The following TESK2 variants were observed in gnomAD, a reference collection of about 807,000 sequenced individuals.
The protein encoded by TESK2 is testis associated actin remodelling kinase 2.
TESK2 carries 39 observed loss-of-function variants against 57.1 expected under a neutral mutation model. The ratio of observed to expected loss-of-function variants is 0.68; its 90% CI spans 0.53 to 0.89. TESK2 has a LOEUF of 0.89. Ranked by LOEUF, TESK2 falls within the 40% of genes least tolerant of loss-of-function variation. The pLI is 0.00. For missense variants in TESK2, 646 were observed against 732.1 expected (o/e 0.88, Z 1.36); for synonymous variants, 249 against 267.9 (o/e 0.93, Z 0.69).
intron 3 of TESK2, among the ~76,000 whole-genome samples, chr1:45,387,954 C>T (rs1463830069): frequency 6.6e-6 from 1 of 152,072 alleles, no homozygotes; most frequent in Non-Finnish European, 1.5e-5. Flanking sequence ...CTGCAGTGAG[C>T]CGAGATCGTG....
chr1:45,368,532 C>A (rs2149269300), intron 4 of TESK2, among the ~76,000 whole-genome samples: 1 of 151,924 alleles, frequency 6.6e-6, no homozygotes, highest in Middle Eastern at 3.4e-3. Context: ...TGCCACCACG[C>A]CCGGCTAATT....
At chr1:45,461,178 A>G (rs1427998939) in intron 1 of TESK2, among the ~76,000 whole-genome samples, 1 of 151,428 alleles carries the variant, frequency 6.6e-6, no homozygotes, top group Admixed American at 6.6e-5. Context: ...TTTTTTAAAC[A>G]TCAGGAATTT....
chr1:45,443,305 C>T (rs753542629), intron 2 of TESK2, among the ~76,000 whole-genome samples: 35 of 152,024 alleles, frequency 2.3e-4, no homozygotes, highest in Non-Finnish European at 4.6e-4. Flanking sequence ...TGGTTCATGC[C>T]TGTAATCCCA....
At chr1:45,376,049 T>A (rs939287489) in intron 4 of TESK2, among the ~76,000 whole-genome samples, 1 of 152,134 alleles carries the variant, frequency 6.6e-6, no homozygotes, top group African/African-American at 2.4e-5. Context: ...GAGAGTTTTT[T>A]ATTACTAAAT....
intron 3 of TESK2, among the ~76,000 whole-genome samples, chr1:45,417,755 C>A (rs537550908): frequency 4.9e-4 from 75 of 152,184 alleles, no homozygotes; most frequent in African/African-American, 1.7e-3. Context: ...CCACACCTGG[C>A]TAATTTTTTA....
chr1:45,432,670 A>G (rs1651021486), intron 2 of TESK2, among the ~76,000 whole-genome samples: 2 of 150,400 alleles, frequency 1.3e-5, no homozygotes, highest in Non-Finnish European at 3.0e-5. Context: ...CAGCCTGGGC[A>G]AAAGAGCCAG....
At chr1:45,394,888 C>T (rs1450829857) in intron 3 of TESK2, among the ~76,000 whole-genome samples, 1 of 151,526 alleles carries the variant, frequency 6.6e-6, no homozygotes, top group Non-Finnish European at 1.5e-5. Context: ...GGGTGTTTCA[C>T]CATGTTGGCT....
intron 2 of TESK2, among the ~76,000 whole-genome samples, chr1:45,446,723 C>T (rs11803788): frequency 0.048 from 7,243 of 152,166 alleles, 618 homozygotes; most frequent in African/African-American, 0.17. Flanking sequence ...AGGTTCTGCC[C>T]AGGGTAAAGC....
rs766167592 is a variant in TESK2 at position 45,399,001 on chromosome 1, A to C, written c.345-13041T>G. 2.9e-3 allele frequency: 1,262 copies of C among 435,328 alleles called. 7 individuals are homozygous for C. The highest frequency in any genetic ancestry group is 4.0e-3 in the Non-Finnish European group (897 of 221,914). 27.0% of individuals were successfully genotyped at this position (435,328 alleles called of 1,614,324 possible). On this transcript the variant is annotated intron_variant, in intron 3 of 10. Coordinates refer to ENST00000372086, the MANE Select transcript of TESK2 (RefSeq NM_007170.3). ...AGGACCTGAAAAAAAAAAAAAAAAAAAAAAAACAAGCCTTTAAGCCACTAG... is the reference window on the plus strand; with the variant it reads ...AGGACCTGAAAAAAAAAAAAAAAAACAAAAAACAAGCCTTTAAGCCACTAG...
At position 45,491,156 on chromosome 1, in the gene TESK2, C is replaced by G. The variant is rs3790583; in HGVS notation, c.-391G>C. ...TGGTAGCTCTGCTGAGCTCCCGGGC[C>G]GCGAAAGACTGAAACGCCTACCCGG... On this transcript the variant is annotated 5_prime_UTR_variant, in exon 1 of 11. Coordinates refer to ENST00000372086, the MANE Select transcript of TESK2 (RefSeq NM_007170.3). 0.23 allele frequency: 35,095 copies of G among 152,162 alleles called. 4,147 individuals are homozygous for G. Among genetic ancestry groups the G allele is most frequent in the East Asian group, 0.33 (1,727 of 5,164 alleles). 9.4% of individuals were successfully genotyped at this position (152,162 alleles called of 1,614,324 possible).
chr1:45,481,374 A>T (rs1009569368), intron 1 of TESK2, among the ~76,000 whole-genome samples: 1 of 152,140 alleles, frequency 6.6e-6, no homozygotes, highest in Non-Finnish European at 1.5e-5. Context: ...CAAAAAAAAA[A>T]TAAGCAAGAT....
chr1:45,365,250 A>G (rs1460789146), intron 4 of TESK2, among the ~76,000 whole-genome samples: 1 of 152,128 alleles, frequency 6.6e-6, no homozygotes, highest in Non-Finnish European at 1.5e-5. Context: ...GTACATCCGT[A>G]TATCTGCCAA....
chr1:45,380,546 T>C (rs1219634309), intron 4 of TESK2, among the ~76,000 whole-genome samples: 2 of 152,240 alleles, frequency 1.3e-5, no homozygotes, highest in Admixed American at 6.5e-5. Flanking sequence ...ATCTTGGCTA[T>C]AGAAGAGAAA....
In TESK2 at chr1:45,399,174, G is replaced by A. The variant is rs1649495310; in HGVS notation, c.345-13214C>T. Among the ~76,000 whole-genome samples, 4 of 112,468 alleles carry A rather than the reference G, an allele frequency of 3.6e-5. No homozygotes were observed. In the South Asian group the frequency reaches 7.9e-4, roughly 22 times the overall value. 73.8% of individuals were successfully genotyped at this position (112,468 alleles called of 152,430 possible). The stretch of plus-strand genomic sequence containing the variant: ...TTTTTTTTTTTTTTTTTTGAGACAA[G>A]GTCTCCATCTTTTGCCCAGGCTGGA... On this transcript the variant is annotated intron_variant, in intron 3 of 10. Coordinates refer to ENST00000372086, the MANE Select transcript of TESK2 (RefSeq NM_007170.3).
intron 2 of TESK2, among the ~76,000 whole-genome samples, chr1:45,439,798 T>A (rs1201166902): frequency 6.6e-6 from 1 of 151,984 alleles, no homozygotes. Flanking sequence ...CTCAAAAAAA[T>A]TTAAAAATTA....
intron 2 of TESK2, among the ~76,000 whole-genome samples, chr1:45,430,355 G>A (rs1445526487): frequency 6.6e-6 from 1 of 152,076 alleles, no homozygotes; most frequent in Non-Finnish European, 1.5e-5. Context: ...GCTGGTTGTG[G>A]TGGTGTGCAC....
intron 2 of TESK2, among the ~76,000 whole-genome samples, chr1:45,433,532 A>G (rs1404314259): frequency 1.3e-5 from 2 of 151,980 alleles, no homozygotes; most frequent in Non-Finnish European, 2.9e-5. Context: ...GAGAACTTGC[A>G]ATATTAGTCT....
chr1:45,367,694 G>A (rs1411958048), intron 4 of TESK2, among the ~76,000 whole-genome samples: 1 of 105,060 alleles, frequency 9.5e-6, no homozygotes, highest in East Asian at 2.7e-4. Flanking sequence ...TTTCTCTCTT[G>A]TTGCCCAGGC....
chr1:45,469,853 T>C (rs1005974218), intron 1 of TESK2, among the ~76,000 whole-genome samples: 23 of 152,318 alleles, frequency 1.5e-4, no homozygotes, highest in African/African-American at 5.5e-4. Context: ...TTCTCACCCC[T>C]TCATTTCAGC....
Sources: allele counts gnomAD v4.1 joint callset (sites outside exome capture counted in the v4.1 genomes callset), GRCh38; gene constraint gnomAD v4.1.1; transcripts MANE v1.5; gene names NCBI Gene and HGNC (gene_info 2026-07-23, HGNC 2026-07-21).